Variants in COL6A3 observed in about 807,000 individuals in gnomAD.
COL6A3 encodes the protein collagen type VI alpha 3 chain.
Under a neutral mutation model 274.1 loss-of-function variants are expected in COL6A3, and 137 were observed. That is an observed-to-expected ratio of 0.50 (90% CI 0.44 to 0.58). The LOEUF is 0.58. Ranked by LOEUF, COL6A3 falls within the 20% of genes least tolerant of loss-of-function variation. The pLI is 0.00. For synonymous variants in COL6A3, 1,650 were observed against 1,650.6 expected (o/e 1.00, Z 0.01); for missense variants, 3,950 against 4,124.9 (o/e 0.96, Z 1.16).
intron 5 of COL6A3, 65 bp from the exon 6 acceptor site, chr2:237,379,300 C>G (rs1465617562): frequency 6.3e-7 from 1 of 1,582,668 alleles, no homozygotes; most frequent in Non-Finnish European, 8.7e-7. Flanking sequence ...TCATGTGTGC[C>G]TACAACACGT....
At chr2:237,333,788 C>A (rs1362587256) in intron 41 of COL6A3, among the ~76,000 whole-genome samples, 2 of 152,210 alleles carry the variant, frequency 1.3e-5, no homozygotes, top group African/African-American at 4.8e-5. Context: ...AATCCTCTCA[C>A]TTCCCAGACA....
At chr2:237,375,504 A>C (rs749124835) in intron 7 of COL6A3, among the ~76,000 whole-genome samples, 6 of 152,134 alleles carry the variant, frequency 3.9e-5, no homozygotes, top group Non-Finnish European at 5.9e-5. Context: ...ACTGTCAGAT[A>C]ATAAGGATTT....
intron 28 of COL6A3, among the ~76,000 whole-genome samples, chr2:237,349,826 T>C (rs980071828): frequency 1.3e-5 from 2 of 152,220 alleles, no homozygotes; most frequent in African/African-American, 4.8e-5. Context: ...AAAAGCTTCA[T>C]CTAGTTATGC....
At position 237,364,915 on chromosome 2, in the gene COL6A3, C is replaced by G. The variant is rs1007224026; in HGVS notation, c.5839-487G>C. 4.7e-5 allele frequency among the ~76,000 whole-genome samples: 7 copies of G among 148,300 alleles called. No individual in the cohort carries two copies. The highest frequency in any genetic ancestry group is 7.5e-5 in the Non-Finnish European group (5 of 66,996). On this transcript the variant is annotated intron_variant, in intron 12 of 43. Transcript: ENST00000295550. The surrounding 1 kb of genome is among the most constrained non-coding windows in gnomAD (Gnocchi z 4.6). ...TGCGTGCATGTGTGTGGGTGCATGTCTGTGGGTGTGTGTGCGTGTGTGCAT... is the reference window on the plus strand; with the variant it reads ...TGCGTGCATGTGTGTGGGTGCATGTGTGTGGGTGTGTGTGCGTGTGTGCAT...
chr2:237,369,582 C>T (rs2077636413), intron 9 of COL6A3, among the ~76,000 whole-genome samples: 1 of 152,150 alleles, frequency 6.6e-6, no homozygotes, highest in African/African-American at 2.4e-5. Flanking sequence ...AGAAGAGAAA[C>T]AGCTGAGGCC....
At position 237,394,645 on chromosome 2, in the gene COL6A3, C is replaced by G; in HGVS notation, c.651G>C (p.Val217=). The G allele has an allele frequency of 6.2e-7, 1 of 1,614,196 alleles. No individual in the cohort carries two copies. The highest frequency in any genetic ancestry group is 8.5e-7 in the Non-Finnish European group (1 of 1,180,032). ...CCCTTTCTGGACTCACGGATGAATG[C>G]ACACAGGACACTAAGTTTCCTACTA... is the stretch of plus-strand genomic sequence containing the variant. The part of the protein sequence containing the change: ...HDIVGNLVSC[V]HSSVSPERAG... The change falls in exon 3 of 44, where the codon GTG becomes GTC. Residue 217 remains valine, a synonymous_variant. Coordinates refer to ENST00000295550, the MANE Select transcript of COL6A3 (RefSeq NM_004369.4).
rs2076970769 is a variant in COL6A3, at chr2:237,340,787, T to C, written c.8129A>G (p.Gln2710Arg). Residue 2710 changes from glutamine to arginine, a missense_variant, in exon 38 of 44, where the codon CAG becomes CGG. Physicochemically the swap from Gln to Arg is conservative, Grantham distance 43. Transcript: ENST00000295550. Reference protein sequence around the residue: ...DFLSRGMTQLQGTRALGSAIE... With the variant: ...DFLSRGMTQLRGTRALGSAIE... ...GGCACTGCCTAAGGCCCTGGTTCCC[T>C]GCAACTGTGTCATTCCCCTGCTGAG... 1.2e-6 allele frequency: 2 copies of C among 1,614,048 alleles called. No individual in the cohort carries two copies. Among genetic ancestry groups the C allele is most frequent in the South Asian group, 2.2e-5 (2 of 91,090 alleles).
intron 17 of COL6A3, 99 bp downstream of exon 17, chr2:237,359,989 A>G (rs2077398833): frequency 2.4e-6 from 3 of 1,273,534 alleles, no homozygotes; most frequent in South Asian, 1.2e-5. Context: ...GCTGAGGTCA[A>G]GAAGCCTGGA....
In COL6A3 at chr2:237,358,559, T is replaced by C. The variant is rs1168388819; in HGVS notation, c.6433A>G (p.Lys2145Glu). The change falls in exon 21 of 44, where the codon AAA becomes GAA. Residue 2145 changes from lysine to glutamate, a missense_variant. Around this residue, in one of 5 missense-constraint regions of COL6A3, gnomAD observed 1,284 missense variants for 1,349.7 expected, o/e 0.95. Transcript: ENST00000295550. Reference protein sequence around the residue: ...RRGDKGPRGEKGERGDVGIRG... With the variant: ...RRGDKGPRGEEGERGDVGIRG... ...ATCCCAACATCTCCTCTTTCTCCTT[T>C]CTCTCCTCGAGGTCCTTTATCACCC... 1.9e-6 allele frequency: 3 copies of C among 1,614,072 alleles called. No homozygotes were observed. The Admixed American group carries it at 5.0e-5, about 27-fold the overall frequency.
rs2078907485 is a variant in COL6A3 at position 237,413,571 on chromosome 2, G to T, written c.-31+382C>A. On this transcript the variant is annotated intron_variant, in intron 1 of 43. Transcript: ENST00000295550. The surrounding 1 kb of genome is among the most constrained non-coding windows in gnomAD (Gnocchi z 4.0). ...GCGGAGCCGCCCGGCAGGGAGCTATGCTAGTCCTCAGCAAAGACGCTTCTG... is the reference window on the plus strand; with the variant it reads ...GCGGAGCCGCCCGGCAGGGAGCTATTCTAGTCCTCAGCAAAGACGCTTCTG... Among the ~76,000 whole-genome samples the T allele has an allele frequency of 6.6e-6, 1 of 152,290 alleles. No individual in the cohort carries two copies. Among genetic ancestry groups the T allele is most frequent in the African/African-American group, 2.4e-5 (1 of 41,554 alleles).
intron 23 of COL6A3, chr2:237,355,290 C>A: frequency 3.9e-6 from 1 of 259,094 alleles, no homozygotes; most frequent in Non-Finnish European, 7.3e-6. Flanking sequence ...GGAATGTCAA[C>A]CTGTCTATTT....
At chr2:237,382,450 A>T (rs893156930) in intron 4 of COL6A3, among the ~76,000 whole-genome samples, 1 of 152,226 alleles carries the variant, frequency 6.6e-6, no homozygotes, top group Admixed American at 6.5e-5. Flanking sequence ...TTAAAGGCAA[A>T]CCATAAAGCA....
In COL6A3 at chr2:237,361,580, G is replaced by A. The variant is rs1373052192; in HGVS notation, c.6156+159C>T. Among the ~76,000 whole-genome samples the A allele has an allele frequency of 1.3e-5, 2 of 152,168 alleles. No individual in the cohort carries two copies. The highest frequency in any genetic ancestry group is 6.5e-5 in the Admixed American group (1 of 15,284). ...GGAACAGGCCCCAGCAGAACAGCAC[G>A]CAGGTCTGCCCCTCAGAGCTCCTCC... On this transcript the variant is annotated intron_variant, in intron 15 of 43. Coordinates refer to ENST00000295550, the MANE Select transcript of COL6A3 (RefSeq NM_004369.4). This position sits in a 1 kb window ranked among gnomAD's most constrained non-coding sequence, Gnocchi z 5.1.
At chr2:237,325,482 T>C in intron 43 of COL6A3, 78 bp downstream of exon 43, 3 of 1,460,084 alleles carry the variant, frequency 2.1e-6, no homozygotes, top group East Asian at 4.5e-5. Flanking sequence ...TCATTGCACT[T>C]CTAATATTTT....
rs538757085 is a variant in COL6A3 at position 237,400,759 on chromosome 2, AT to A, written c.-30-3913del. On this transcript the variant is annotated intron_variant, in intron 1 of 43. Transcript: ENST00000295550. ...AAGACAAAGGAACACCCCCAAACTC[AT>A]TTTTATAAGGCCAATATTGAAAAGA... Among the ~76,000 whole-genome samples the A allele has an allele frequency of 3.2e-3, 490 of 152,306 alleles. 1 individual carries two copies. Among genetic ancestry groups the A allele is most frequent in the African/African-American group, 0.011 (457 of 41,574 alleles).
intron 36 of COL6A3, chr2:237,343,828 G>C: frequency 4.8e-6 from 1 of 208,028 alleles, no homozygotes; most frequent in South Asian, 8.9e-5. Flanking sequence ...GGGTTTCAGA[G>C]TCTAATGGAC....
intron 39 of COL6A3, among the ~76,000 whole-genome samples, chr2:237,337,488 C>T (rs1700608738): frequency 6.6e-6 from 1 of 152,156 alleles, no homozygotes; most frequent in Non-Finnish European, 1.5e-5. Context: ...AGCTGAAGGA[C>T]TTAAGTGGTG....
At chr2:237,365,466 A>T (rs1388522877) in intron 12 of COL6A3, among the ~76,000 whole-genome samples, 1 of 152,224 alleles carries the variant, frequency 6.6e-6, no homozygotes, top group Non-Finnish European at 1.5e-5. Context: ...AATTCAACTC[A>T]TTCAAGTTAA....
rs375279488 is a variant in COL6A3, at chr2:237,368,903, G to A, written c.4560C>T (p.Leu1520=). 6.8e-6 allele frequency: 11 copies of A among 1,614,026 alleles called. No homozygotes were observed. Among genetic ancestry groups the A allele is most frequent in the South Asian group, 2.2e-5 (2 of 91,070 alleles). The change falls in exon 10 of 44, where the codon CTC becomes CTT. Residue 1520 remains leucine (L), a synonymous_variant. Transcript: ENST00000295550. This position sits in a 1 kb window ranked among gnomAD's most constrained non-coding sequence, Gnocchi z 4.4. The part of the protein sequence containing the change: ...GGSPLNTGKA[L]EFVARNLFVK... ...CAAAGAGGTTTCTTGCCACAAATTCGAGAGCCTTGCCAGTGTTCAGTGGGG... is the reference window on the plus strand; with the variant it reads ...CAAAGAGGTTTCTTGCCACAAATTCAAGAGCCTTGCCAGTGTTCAGTGGGG...
Sources: allele counts gnomAD v4.1 joint callset (sites outside exome capture counted in the v4.1 genomes callset), GRCh38; gene constraint gnomAD v4.1.1; regional missense constraint gnomAD v4.1.1; non-coding constraint Gnocchi (gnomAD v3.1); transcripts MANE v1.5; gene names NCBI Gene and HGNC (gene_info 2026-07-23, HGNC 2026-07-21).